USP3: variants seen among roughly 807,000 people sequenced by gnomAD.
USP3 encodes the protein ubiquitin specific peptidase 3.
A neutral mutation model predicts 72.3 loss-of-function variants in USP3; 20 were observed. That is an observed-to-expected ratio of 0.28 (90% CI 0.19 to 0.40). USP3 has a LOEUF of 0.40. USP3 is among the 10% of genes least tolerant of loss of function. The probability of loss-of-function intolerance (pLI) is 1.00; values close to 1 mark genes in which losing one functional copy is unlikely to be tolerated. For synonymous variants in USP3, 222 were observed against 225.3 expected (o/e 0.99, Z 0.13); for missense variants, 479 against 633.9 (o/e 0.76, Z 2.62).
Position 63,590,746 on chromosome 15 carries a change from G to A in USP3, c.1483G>A (p.Glu495Lys), listed in dbSNP as rs752949412. The A allele has an allele frequency of 3.0e-5, 49 of 1,614,022 alleles. No individual in the cohort carries two copies. Among genetic ancestry groups the A allele is most frequent in the Non-Finnish European group, 3.6e-5 (43 of 1,180,006 alleles). The stretch of plus-strand genomic sequence containing the variant: ...TGACAGTACTGTAACACTGACTGAC[G>A]AGGAGACTGTGGTGAAGGCGAAGGC... The part of the protein sequence containing the change: ...FNDSTVTLTD[E>K]ETVVKAKAYI... The change falls in exon 15 of 15, where the codon GAG (glutamate) becomes AAG (lysine). Residue 495 changes from glutamate to lysine, a missense_variant. Physicochemically the swap from Glu to Lys is moderately conservative, Grantham distance 56. Transcript: ENST00000380324.
chr15:63,517,236 C>T (rs182816035), intron 1 of USP3, among the ~76,000 whole-genome samples: 23 of 152,018 alleles, frequency 1.5e-4, no homozygotes, highest in Non-Finnish European at 3.4e-4. Flanking sequence ...TCTTCCATTC[C>T]TTCTGTTGAA....
intron 11 of USP3, among the ~76,000 whole-genome samples, chr15:63,586,199 A>G (rs1352610617): frequency 6.6e-6 from 1 of 152,144 alleles, no homozygotes; most frequent in African/African-American, 2.4e-5. Context: ...TTTAGCTAAA[A>G]CTTCCAATAT....
rs538122478 is a variant in USP3, at chr15:63,579,374, A to G, written c.1096+4971A>G. Among the ~76,000 whole-genome samples, 4 of 152,358 alleles carry G rather than the reference A, an allele frequency of 2.6e-5. No homozygotes were observed. The South Asian group carries it at 8.3e-4, about 32-fold the overall frequency. On this transcript the variant is annotated intron_variant, in intron 11 of 14. Transcript: ENST00000380324. Reference sequence around the variant, plus strand: ...GTAGAAACATAGCAGTGGGATAGGAAATGTCCTAGAACTACTAATATAGAG... The same window carrying G: ...GTAGAAACATAGCAGTGGGATAGGAGATGTCCTAGAACTACTAATATAGAG...
chr15:63,559,826 T>C (rs750657936), intron 6 of USP3, 31 bp from the exon 7 acceptor site: 3 of 1,567,884 alleles, frequency 1.9e-6, no homozygotes, highest in Non-Finnish European at 2.6e-6. Flanking sequence ...TCTTTTCTTT[T>C]TAAAATATTT....
intron 7 of USP3, 40 bp from the exon 8 acceptor site, chr15:63,562,855 T>G (rs1378611443): frequency 7.4e-7 from 1 of 1,358,850 alleles, no homozygotes; most frequent in Non-Finnish European, 1.0e-6. Context: ...AATTGTAGCC[T>G]CTCACTAATC....
chr15:63,571,947 A>G lies in USP3; in HGVS notation c.908+1368A>G, dbSNP rs189444123. The stretch of plus-strand genomic sequence containing the variant: ...ACAACTAGAAAAAGGTATCTTGTGC[A>G]ATGTCTTTGTTGACTTGTGCACACA... On this transcript the variant is annotated intron_variant, in intron 9 of 14. Transcript: ENST00000380324. Among the ~76,000 whole-genome samples the G allele has an allele frequency of 1.5e-4, 23 of 152,350 alleles. No homozygotes were observed. In the East Asian group the frequency reaches 3.5e-3, roughly 23 times the overall value.
chr15:63,557,207 A>G (rs1052320130), intron 5 of USP3, among the ~76,000 whole-genome samples: 4 of 151,978 alleles, frequency 2.6e-5, no homozygotes, highest in Non-Finnish European at 4.4e-5. Context: ...AGGGGGTGGG[A>G]CAACAGGTGT....
Position 63,574,078 on chromosome 15 carries a change from T to C in USP3, c.941T>C (p.Phe314Ser). The C allele has an allele frequency of 6.3e-7, 1 of 1,598,450 alleles. No homozygotes were observed. The highest frequency in any genetic ancestry group is 8.5e-7 in the Non-Finnish European group (1 of 1,171,402). Residue 314 changes from phenylalanine (F) to serine (S), a missense_variant, in exon 10 of 15, where the codon TTC becomes TCC. Phe to Ser is a radical substitution (Grantham distance 155, BLOSUM62 -2). Coordinates refer to ENST00000380324, the MANE Select transcript of USP3 (RefSeq NM_006537.4). This position sits in a 1 kb window ranked among gnomAD's most constrained non-coding sequence, Gnocchi z 4.6. ...GCATCTACTGTTGTCACGGCTATAT[T>C]CGGAGGCATTCTCCAAAATGAGGTT... ...NGASTVVTAI[F>S]GGILQNEVNC...
chr15:63,588,684 C>G lies in USP3; in HGVS notation c.1216-18C>G. The G allele has an allele frequency of 6.4e-7, 1 of 1,569,462 alleles. No homozygotes were observed. On this transcript the variant is annotated intron_variant, in intron 12 of 14. Transcript: ENST00000380324. This position sits in a 1 kb window ranked among gnomAD's most constrained non-coding sequence, Gnocchi z 4.6. Reference sequence around the variant, plus strand: ...AAATTAGGTGTTCACAATCTTTGACCGCATCTCTGTCCTCCAGGTGCTATG... The same window carrying G: ...AAATTAGGTGTTCACAATCTTTGACGGCATCTCTGTCCTCCAGGTGCTATG...
Position 63,547,757 on chromosome 15 carries a change from GGAGGGAGAGAGAGA to G in USP3, c.285-5954_285-5941del, listed in dbSNP as rs1224458548. Among the ~76,000 whole-genome samples the G allele has an allele frequency of 3.8e-3, 152 of 39,634 alleles. 8 individuals carry two copies. The highest frequency in any genetic ancestry group is 0.015 in the African/African-American group (141 of 9,688). 26.0% of individuals were successfully genotyped at this position (39,634 alleles called of 152,430 possible). A position where few individuals can be genotyped will look rare whatever the true frequency, so the allele number is the denominator to read the frequency against. On this transcript the variant is annotated intron_variant, in intron 3 of 14. Coordinates refer to ENST00000380324, the MANE Select transcript of USP3 (RefSeq NM_006537.4). ...GAGAGAGAGAGAGGGAGGGAGGGAG[GGAGGGAGAGAGAGA>G]GAGAGAGAGAGAGAGAGAGAGAGAG...
chr15:63,572,447 A>G (rs1446393924), intron 9 of USP3, among the ~76,000 whole-genome samples: 1 of 151,830 alleles, frequency 6.6e-6, no homozygotes, highest in East Asian at 1.9e-4. Context: ...AATGGCCACT[A>G]GGTCCTACAG....
At chr15:63,590,630 T>C (rs778014658) in intron 14 of USP3, 31 bp from the exon 15 acceptor site, 1 of 1,511,804 alleles carries the variant, frequency 6.6e-7, no homozygotes, top group East Asian at 2.4e-5. Context: ...TTTCTGAGGT[T>C]CTTTTTTCCT....
At chr15:63,563,593 G>T (rs905778136) in intron 8 of USP3, among the ~76,000 whole-genome samples, 4 of 152,178 alleles carry the variant, frequency 2.6e-5, no homozygotes, top group African/African-American at 9.7e-5. Flanking sequence ...GAGGAATCCT[G>T]CCTTTTCTCG....
At chr15:63,536,990 A>G (rs941272635) in intron 2 of USP3, 35 bp from the exon 3 acceptor site, 6 of 1,592,400 alleles carry the variant, frequency 3.8e-6, no homozygotes, top group South Asian at 1.1e-5. Context: ...TTCCAAAGCA[A>G]TATTTAAAGT....
At chr15:63,512,344 CTCCTCTTCCTCT>C (rs1175011010) in intron 1 of USP3, among the ~76,000 whole-genome samples, 1 of 72,506 alleles carries the variant, frequency 1.4e-5, no homozygotes, top group South Asian at 3.4e-4. Context: ...CCTCCTCTTC[CTCCTCTTCCTCT>C]TCTTCTTCTT....
Position 63,591,097 on chromosome 15 carries a change from T to A in USP3, c.*271T>A. 1 of 326,434 alleles carries A rather than the reference T, an allele frequency of 3.1e-6. No individual in the cohort carries two copies. The highest frequency in any genetic ancestry group is 5.6e-6 in the Non-Finnish European group (1 of 179,868). 20.2% of individuals were successfully genotyped at this position (326,434 alleles called of 1,614,324 possible). ...TGTAAGAACTTAGTCTTATTTGACT[T>A]TTTTATTTTATGTTAATGTTTTCAG... On this transcript the variant is annotated 3_prime_UTR_variant, in exon 15 of 15. Transcript: ENST00000380324.
chr15:63,594,086 C>T lies in USP3; in HGVS notation c.*3260C>T. The T allele has an allele frequency of 6.6e-6, 1 of 152,522 alleles. No homozygotes were observed. The highest frequency in any genetic ancestry group is 1.5e-5 in the Non-Finnish European group (1 of 68,194). 9.4% of individuals were successfully genotyped at this position (152,522 alleles called of 1,614,324 possible). A position where few individuals can be genotyped will look rare whatever the true frequency, so the allele number is the denominator to read the frequency against. On this transcript the variant is annotated 3_prime_UTR_variant, in exon 15 of 15. Transcript: ENST00000380324. ...TTAAATGTGTATCTCGCCTGTGGAACCTACTCAGCAGCTTGGTTTCTGGGG... is the reference window on the plus strand; with the variant it reads ...TTAAATGTGTATCTCGCCTGTGGAATCTACTCAGCAGCTTGGTTTCTGGGG...
intron 3 of USP3, chr15:63,542,292 T>A: frequency 2.9e-6 from 2 of 687,754 alleles, no homozygotes; most frequent in Non-Finnish European, 3.6e-6. Flanking sequence ...AAGTGTTTTT[T>A]ATTTTAATTA....
chr15:63,568,588 C>T (rs772638236), intron 8 of USP3, among the ~76,000 whole-genome samples: 12 of 152,100 alleles, frequency 7.9e-5, no homozygotes, highest in East Asian at 1.9e-4. Flanking sequence ...AAGTTGACTA[C>T]AGAGTCAATT....
Sources: allele counts gnomAD v4.1 joint callset (sites outside exome capture counted in the v4.1 genomes callset), GRCh38; gene constraint gnomAD v4.1.1; non-coding constraint Gnocchi (gnomAD v3.1); transcripts MANE v1.5; gene names NCBI Gene and HGNC (gene_info 2026-07-23, HGNC 2026-07-21).